FGGY: variants seen among roughly 807,000 people sequenced by gnomAD.
The protein encoded by FGGY is FGGY carbohydrate kinase domain-containing protein.
Under a neutral mutation model 71.3 loss-of-function variants are expected in FGGY, and 72 were observed. That is an observed-to-expected ratio of 1.01 (90% CI 0.84 to 1.23). The LOEUF (loss-of-function observed/expected upper bound fraction) is 1.23, where lower values mean the gene tolerates loss of function less well. Among genes scored for constraint, FGGY ranks in the 50% most tolerant of loss-of-function variants. FGGY has a pLI of 0.00. For synonymous variants in FGGY, 251 were observed against 250.3 expected, an observed-to-expected ratio of 1.00 and a Z score of -0.02; for missense variants, 668 against 682.3, an observed-to-expected ratio of 0.98 and a Z score of 0.23.
At chr1:59,624,750 C>T (rs149408576) in intron 9 of FGGY, among the ~76,000 whole-genome samples, 3 of 152,226 alleles carry the variant, frequency 2.0e-5, no homozygotes, top group East Asian at 1.9e-4. Context: ...TTCACTACTA[C>T]GAAACAGTAT....
intron 14 of FGGY, among the ~76,000 whole-genome samples, chr1:59,719,261 T>C (rs1256107125): frequency 6.6e-6 from 1 of 152,190 alleles, no homozygotes; most frequent in African/African-American, 2.4e-5. Flanking sequence ...AACAGAACTT[T>C]TTTTTTTAAG....
intron 8 of FGGY, among the ~76,000 whole-genome samples, chr1:59,596,277 G>A (rs751355580): frequency 5.3e-5 from 8 of 150,152 alleles, no homozygotes; most frequent in Non-Finnish European, 7.4e-5. Flanking sequence ...CCACCAAAAT[G>A]TGTGATTTTT....
At chr1:59,706,219 C>T (rs1005058294) in intron 14 of FGGY, among the ~76,000 whole-genome samples, 11 of 152,198 alleles carry the variant, frequency 7.2e-5, no homozygotes, top group Non-Finnish European at 4.4e-5. Flanking sequence ...GCATCCTTCT[C>T]TTCTTAAGGC....
chr1:59,724,772 A>G (rs1435388249), intron 14 of FGGY, among the ~76,000 whole-genome samples: 1 of 152,106 alleles, frequency 6.6e-6, no homozygotes, highest in East Asian at 1.9e-4. Flanking sequence ...CCATCTATAT[A>G]TCTTCTTTGG....
chr1:59,499,072 A>G (rs1227747306), intron 6 of FGGY, among the ~76,000 whole-genome samples: 1 of 152,130 alleles, frequency 6.6e-6, no homozygotes, highest in African/African-American at 2.4e-5. Flanking sequence ...GTCTCTCACC[A>G]TAGGTTAATG....
At chr1:59,464,539 C>T (rs914317966) in intron 6 of FGGY, among the ~76,000 whole-genome samples, 14 of 152,122 alleles carry the variant, frequency 9.2e-5, no homozygotes, top group Non-Finnish European at 2.1e-4. Context: ...GAGATAGAGA[C>T]ACACACACAA....
chr1:59,439,346 A>G (rs944437029), intron 5 of FGGY, among the ~76,000 whole-genome samples: 2 of 152,220 alleles, frequency 1.3e-5, no homozygotes, highest in African/African-American at 2.4e-5. Flanking sequence ...TCCCAGAAAC[A>G]TTATTCTTTA....
At chr1:59,655,708 G>A (rs925111078) in intron 11 of FGGY, among the ~76,000 whole-genome samples, 2 of 152,148 alleles carry the variant, frequency 1.3e-5, no homozygotes, top group African/African-American at 4.8e-5. Flanking sequence ...CACCATAAGA[G>A]TTACAGGAGT....
At chr1:59,619,539 G>A (rs2096788584) in intron 9 of FGGY, among the ~76,000 whole-genome samples, 1 of 151,968 alleles carries the variant, frequency 6.6e-6, no homozygotes. Flanking sequence ...CCAGGTCAAG[G>A]GAACAACCAG....
At position 59,583,629 on chromosome 1, in the gene FGGY, G is replaced by A. The variant is rs371930641; in HGVS notation, c.904-24174G>A. 1.4e-4 allele frequency among the ~76,000 whole-genome samples: 20 copies of A among 142,246 alleles called. 5 individuals carry two copies. The highest frequency in any genetic ancestry group is 6.2e-4 in the East Asian group (3 of 4,814). The allele number at this position is 142,246 out of a possible 152,430, so 93.3% of individuals were successfully genotyped here. A position where few individuals can be genotyped will look rare whatever the true frequency, so the allele number is the denominator to read the frequency against. On this transcript the variant is annotated intron_variant, in intron 8 of 15. Transcript: ENST00000303721. Reference sequence around the variant, plus strand: ...GCTTCATGGGGGGCACACCTGAGGGGCATTTCCTCAATGGGAGAGCACCTT... The same window carrying A: ...GCTTCATGGGGGGCACACCTGAGGGACATTTCCTCAATGGGAGAGCACCTT...
intron 4 of FGGY, among the ~76,000 whole-genome samples, chr1:59,360,708 G>T (rs2055329186): frequency 6.6e-6 from 1 of 152,176 alleles, no homozygotes; most frequent in African/African-American, 2.4e-5. Context: ...AATTAGTGAG[G>T]TCTATTTTTC....
At chr1:59,520,717 T>C (rs879911563) in intron 7 of FGGY, among the ~76,000 whole-genome samples, 1 of 152,138 alleles carries the variant, frequency 6.6e-6, no homozygotes, top group Non-Finnish European at 1.5e-5. Context: ...TTGGTAAATA[T>C]AGGTGAGGGA....
rs180925689 is a variant in FGGY, at chr1:59,559,138, C to T, written c.903+4911C>T. On this transcript the variant is annotated intron_variant, in intron 8 of 15. Coordinates refer to ENST00000303721, the MANE Select transcript of FGGY (RefSeq NM_018291.5). ...GTGGTCCTGAGGTGAAGTACATTCT[C>T]AGCTTATGAAGATAACAGGGTTAAG... Among the ~76,000 whole-genome samples the T allele has an allele frequency of 3.7e-4, 56 of 152,250 alleles. 1 individual carries two copies. Among genetic ancestry groups the T allele is most frequent in the Admixed American group, 1.0e-3 (16 of 15,294 alleles).
At chr1:59,607,696 C>G in intron 8 of FGGY, 107 bp from the exon 9 acceptor site, 1 of 771,380 alleles carries the variant, frequency 1.3e-6, no homozygotes, top group Middle Eastern at 2.5e-4. Context: ...CCATAAAAGG[C>G]ATTCAATAAG....
chr1:59,615,322 A>G (rs2153828310), intron 9 of FGGY, among the ~76,000 whole-genome samples: 1 of 152,340 alleles, frequency 6.6e-6, no homozygotes, highest in East Asian at 1.9e-4. Context: ...ATGAAACAGA[A>G]CAGAGCCCTC....
intron 6 of FGGY, among the ~76,000 whole-genome samples, chr1:59,489,335 A>G (rs2093754279): frequency 6.6e-6 from 1 of 152,006 alleles, no homozygotes. Flanking sequence ...TCTAGCTGTA[A>G]TTTTGTGTTT....
chr1:59,486,783 A>G (rs538503139), intron 6 of FGGY, among the ~76,000 whole-genome samples: 2 of 152,306 alleles, frequency 1.3e-5, no homozygotes, highest in African/African-American at 4.8e-5. Flanking sequence ...AAAATGGAGG[A>G]TATGGTTCCA....
intron 14 of FGGY, among the ~76,000 whole-genome samples, chr1:59,686,450 C>A (rs1180491706): frequency 6.6e-6 from 1 of 152,082 alleles, no homozygotes. Flanking sequence ...GCAAAAATAC[C>A]CTGTTGCCTT....
chr1:59,632,355 T>G (rs2096916005), intron 10 of FGGY, among the ~76,000 whole-genome samples: 1 of 152,210 alleles, frequency 6.6e-6, no homozygotes, highest in Admixed American at 6.5e-5. Flanking sequence ...GTGCATATTT[T>G]TTTCCTCAGC....
Sources: gnomAD v4.1 joint callset for allele counts (sites outside exome capture counted in the v4.1 genomes callset) on GRCh38, gnomAD v4.1.1 for gene constraint, MANE v1.5 for transcripts, NCBI Gene and HGNC (gene_info 2026-07-23, HGNC 2026-07-21) for gene names.